The following PLA2G4B variants were observed in gnomAD, a reference collection of about 807,000 sequenced individuals.
PLA2G4B encodes the protein cytosolic phospholipase A2 beta.
Under a neutral mutation model 95.8 loss-of-function variants are expected in PLA2G4B, and 122 were observed. That is an observed-to-expected ratio of 1.27 (90% CI 1.10 to 1.48). The LOEUF (loss-of-function observed/expected upper bound fraction) is 1.48. Ranked by LOEUF, PLA2G4B falls within the 40% of genes most tolerant of loss-of-function variation. PLA2G4B has a pLI of 0.00. For synonymous variants in PLA2G4B, 518 were observed against 421.5 expected, an observed-to-expected ratio of 1.23 and a Z score of -2.80; for missense variants, 1,158 against 996.2, an observed-to-expected ratio of 1.16 and a Z score of -2.19.
chr15:41,841,609 A>AG, intron 7 of PLA2G4B, 38 bp downstream of exon 7: 1 of 1,613,470 alleles, frequency 6.2e-7, no homozygotes, highest in Non-Finnish European at 8.5e-7. Context: ...CCTGGCTCTC[A>AG]GCTCTTGTCT....
rs777747603 is a variant in PLA2G4B, at chr15:41,840,203, G to A, written c.55G>A (p.Ala19Thr). Reference protein sequence around the residue: ...TCLLTVRVLQAHRLPSKDLVT... With the variant: ...TCLLTVRVLQTHRLPSKDLVT... Reference sequence around the variant, plus strand: ...CCTGCTCACGGTTCGTGTCCTGCAGGCCCATCGCCTACCCTCTAAGGACCT... The same window carrying A: ...CCTGCTCACGGTTCGTGTCCTGCAGACCCATCGCCTACCCTCTAAGGACCT... Residue 19 changes from alanine to threonine, a missense_variant, in exon 2 of 20, where the codon GCC becomes ACC. Coordinates refer to ENST00000458483, the MANE Select transcript of PLA2G4B (RefSeq NM_001114633.2). 1.9e-6 allele frequency: 3 copies of A among 1,613,258 alleles called. No individual in the cohort carries two copies. In the South Asian group the frequency reaches 3.3e-5, roughly 18 times the overall value.
chr15:41,841,899 C>T lies in PLA2G4B; in HGVS notation c.571C>T (p.Arg191Cys), dbSNP rs3816533. The change falls in exon 8 of 20, where the codon CGC (arginine) becomes TGC (cysteine). Residue 191 changes from arginine (R) to cysteine (C), a missense_variant. Coordinates refer to ENST00000458483, the MANE Select transcript of PLA2G4B (RefSeq NM_001114633.2). ...GGCCTCTGTGGGCACTGGCACCTTCCGCTTCCACTGCCCAGCCTGCTGGGA... is the reference window on the plus strand; with the variant it reads ...GGCCTCTGTGGGCACTGGCACCTTCTGCTTCCACTGCCCAGCCTGCTGGGA... ...QEASVGTGTF[R>C]FHCPACWEQE... The T allele has an allele frequency of 0.16, 261,942 of 1,612,682 alleles. 28,950 individuals are homozygous for T. Among genetic ancestry groups the T allele is most frequent in the East Asian group, 0.69 (31,072 of 44,774 alleles).
In PLA2G4B at chr15:41,841,116, A is replaced by C. The variant is rs1321712250; in HGVS notation, c.392+21A>C. ...AGTCTGTGAGTCAGGGGCCTGGGGCAGTTTGGGTGGGAGTGCCTTGTGGGA... is the reference window on the plus strand; with the variant it reads ...AGTCTGTGAGTCAGGGGCCTGGGGCCGTTTGGGTGGGAGTGCCTTGTGGGA... On this transcript the variant is annotated intron_variant, in intron 5 of 19. Coordinates refer to ENST00000458483, the MANE Select transcript of PLA2G4B (RefSeq NM_001114633.2). 3 of 1,605,806 alleles carry C rather than the reference A, an allele frequency of 1.9e-6. No homozygotes were observed. The East Asian group carries it at 6.7e-5, about 36-fold the overall frequency.
rs1249215687 is a variant in PLA2G4B at position 41,844,932 on chromosome 15, C to T, written c.1101C>T (p.Thr367=). ...CTGAGTTGCTGAAGACCCAGGTGACCAAGAACAAGCTGGGTGTGCTGGCCC... is the reference window on the plus strand; with the variant it reads ...CTGAGTTGCTGAAGACCCAGGTGACTAAGAACAAGCTGGGTGTGCTGGCCC... ...GPTELLKTQV[T]KNKLGVLAPS... Residue 367 remains threonine, a synonymous_variant, in exon 13 of 20, where the codon ACC becomes ACT. Transcript: ENST00000458483. The T allele has an allele frequency of 1.9e-6, 3 of 1,612,370 alleles. No individual in the cohort carries two copies. Among genetic ancestry groups the T allele is most frequent in the Admixed American group, 3.3e-5 (2 of 59,828 alleles).
At position 41,842,267 on chromosome 15, in the gene PLA2G4B, C is replaced by T; in HGVS notation, c.696C>T (p.Pro232=). ...GTCAAGTGGTGAGGCTTGTCTTCCC[C>T]ACGTCCCAGGTACTGGCCTCCCAGG... ...PSGQVVRLVF[P]TSQEPLMRVE... Residue 232 remains proline, a synonymous_variant, in exon 9 of 20, where the codon CCC becomes CCT. Coordinates refer to ENST00000458483, the MANE Select transcript of PLA2G4B (RefSeq NM_001114633.2). The T allele has an allele frequency of 6.2e-7, 1 of 1,614,048 alleles. No homozygotes were observed. The highest frequency in any genetic ancestry group is 8.5e-7 in the Non-Finnish European group (1 of 1,180,026).
In PLA2G4B at chr15:41,840,909, A is replaced by G; in HGVS notation, c.351+4A>G. 1.2e-6 allele frequency: 2 copies of G among 1,611,854 alleles called. No individual in the cohort carries two copies. The highest frequency in any genetic ancestry group is 2.2e-5 in the South Asian group (2 of 90,976). On this transcript the variant is annotated splice_donor_region_variant and intron_variant, in intron 4 of 19. Transcript: ENST00000458483. ...GAGCTTCTCACTGAGCCCTCAGGCA[A>G]GGCGGTGTTTCCACGGCAGCCCTAG... is the stretch of plus-strand genomic sequence containing the variant.
Position 41,844,598 on chromosome 15 carries a change from G to A in PLA2G4B, c.1007G>A (p.Gly336Asp). 6.2e-7 allele frequency: 1 copy of A among 1,614,144 alleles called. No homozygotes were observed. Among genetic ancestry groups the A allele is most frequent in the Non-Finnish European group, 8.5e-7 (1 of 1,180,030 alleles). The change falls in exon 12 of 20, where the codon GGC (glycine) becomes GAC (aspartate). Residue 336 changes from glycine (G) to aspartate (D), a missense_variant. By Grantham distance (94) the Gly-to-Asp change is moderately conservative. Coordinates refer to ENST00000458483, the MANE Select transcript of PLA2G4B (RefSeq NM_001114633.2). ...GTCTCCTACATCACCGGGGCCTCGGGCTCCACCTGGTGAGCTGGGGGCAGG... is the reference window on the plus strand; with the variant it reads ...GTCTCCTACATCACCGGGGCCTCGGACTCCACCTGGTGAGCTGGGGGCAGG... The part of the protein sequence containing the change: ...DCVSYITGAS[G>D]STWALANLYE...
Position 41,843,895 on chromosome 15 carries a change from G to A in PLA2G4B, c.879+84G>A, listed in dbSNP as rs556390155. ...CTGAACACTGGAGCTGCTTGTCCCC[G>A]ATCTAGACCAGAGCTCGTAGCTGCC... On this transcript the variant is annotated intron_variant, in intron 11 of 19. Coordinates refer to ENST00000458483, the MANE Select transcript of PLA2G4B (RefSeq NM_001114633.2). The A allele has an allele frequency of 2.5e-4, 381 of 1,538,808 alleles. 2 individuals are homozygous for A. In the African/African-American group the frequency reaches 4.4e-3, roughly 18 times the overall value.
At position 41,848,135 on chromosome 15, in the gene PLA2G4B, T is replaced by C. The variant is rs1465599499; in HGVS notation, c.*275T>C. The C allele has an allele frequency of 1.1e-5, 6 of 568,732 alleles. No homozygotes were observed. 35.2% of individuals were successfully genotyped at this position (568,732 alleles called of 1,614,324 possible). On this transcript the variant is annotated 3_prime_UTR_variant, in exon 20 of 20. Coordinates refer to ENST00000458483, the MANE Select transcript of PLA2G4B (RefSeq NM_001114633.2). Reference sequence around the variant, plus strand: ...TTGGAGCACTTGATACATCACAGACTCATACAAATGTGAGGCGCTGAGACC... The same window carrying C: ...TTGGAGCACTTGATACATCACAGACCCATACAAATGTGAGGCGCTGAGACC...
chr15:41,847,621 C>T (rs1395405198), intron 19 of PLA2G4B, 28 bp from the exon 20 acceptor site: 3 of 1,613,448 alleles, frequency 1.9e-6, no homozygotes, highest in Non-Finnish European at 2.5e-6. Flanking sequence ...CAACGTGTTC[C>T]CCATGCCAGG....
intron 11 of PLA2G4B, 28 bp downstream of exon 11, chr15:41,843,839 C>A: frequency 6.2e-7 from 1 of 1,609,542 alleles, no homozygotes; most frequent in South Asian, 1.1e-5. Context: ...GATGGGGTGT[C>A]CCCGGGCTTG....
Position 41,842,232 on chromosome 15 carries a change from C to G in PLA2G4B, c.661C>G (p.Leu221Val). The change falls in exon 9 of 20, where the codon CTG (leucine) becomes GTG (valine). Residue 221 changes from leucine to valine, a missense_variant. Leu to Val is a conservative substitution (Grantham distance 32). Coordinates refer to ENST00000458483, the MANE Select transcript of PLA2G4B (RefSeq NM_001114633.2). ...GCAACTAAAGGCGCCACTGAGTGCC[C>G]TGCCCTCTGGTCAAGTGGTGAGGCT... ...EEQLKAPLSA[L>V]PSGQVVRLVF... is the part of the protein sequence containing the mutation. The G allele has an allele frequency of 1.9e-6, 3 of 1,614,110 alleles. No homozygotes were observed. Among genetic ancestry groups the G allele is most frequent in the Non-Finnish European group, 2.5e-6 (3 of 1,180,004 alleles).
intron 19 of PLA2G4B, 35 bp from the exon 20 acceptor site, chr15:41,847,614 C>T (rs372034093): frequency 1.4e-5 from 22 of 1,612,942 alleles, no homozygotes; most frequent in African/African-American, 8.0e-5. Flanking sequence ...TTCCCCACAA[C>T]GTGTTCCCCA....
In PLA2G4B at chr15:41,847,388, C is replaced by A. The variant is rs1380909696; in HGVS notation, c.1999C>A (p.Pro667Thr). 10 of 1,612,126 alleles carry A rather than the reference C, an allele frequency of 6.2e-6. No homozygotes were observed. The highest frequency in any genetic ancestry group is 8.5e-6 in the Non-Finnish European group (10 of 1,179,566). Residue 667 changes from proline to threonine, a missense_variant, in exon 19 of 20, where the codon CCC becomes ACC. Physicochemically the swap from Pro to Thr is conservative, Grantham distance 38. Transcript: ENST00000458483. Reference sequence around the variant, plus strand: ...CCAGGAGCAGGGGATCCCGTTCCCACCCATCTCGCCCAGCCCCGAAGAGCA... The same window carrying A: ...CCAGGAGCAGGGGATCCCGTTCCCAACCATCTCGCCCAGCCCCGAAGAGCA... ...FCQEQGIPFPPISPSPEEQLQ... is the reference protein window; with the variant it reads ...FCQEQGIPFPTISPSPEEQLQ...
rs2065545182 is a variant in PLA2G4B at position 41,846,335 on chromosome 15, AT to A, written c.1736del (p.Phe579SerfsTer26). 1 of 1,610,852 alleles carries A rather than the reference AT, an allele frequency of 6.2e-7. No individual in the cohort carries two copies. Among genetic ancestry groups the A allele is most frequent in the Non-Finnish European group, 8.5e-7 (1 of 1,177,164 alleles). Reference protein sequence around the residue: ...QATHNFLRGLHFHKDYFQHPH... With the variant: ...QATHNFLRGLXFHKDYFQHPH... ...ACACATAATTTCCTGCGTGGCCTCC[AT>A]TTCCACAAAGACTACTTTCAGCATC... On this transcript the variant is annotated frameshift_variant, in exon 17 of 20. Coordinates refer to ENST00000458483, the MANE Select transcript of PLA2G4B (RefSeq NM_001114633.2). LOFTEE classifies it high-confidence loss of function.
rs750248337 is a variant in PLA2G4B at position 41,844,941 on chromosome 15, G to A, written c.1110G>A (p.Lys370=). 2 of 1,612,016 alleles carry A rather than the reference G, an allele frequency of 1.2e-6. No homozygotes were observed. The highest frequency in any genetic ancestry group is 3.3e-5 in the Admixed American group (2 of 59,740). Residue 370 remains lysine (K), a synonymous_variant, in exon 13 of 20, where the codon AAG becomes AAA. Transcript: ENST00000458483. ...TGAAGACCCAGGTGACCAAGAACAA[G>A]CTGGGTGTGCTGGCCCCCAGCCAGC... The part of the protein sequence containing the change: ...ELLKTQVTKN[K]LGVLAPSQLQ...
intron 4 of PLA2G4B, 51 bp from the exon 5 acceptor site, chr15:41,841,004 T>C (rs2065420465): frequency 3.2e-6 from 5 of 1,571,564 alleles, no homozygotes; most frequent in Non-Finnish European, 4.3e-6. Flanking sequence ...CTCACTGACA[T>C]ATGTGCACTC....
chr15:41,845,026 AC>A lies in PLA2G4B; in HGVS notation c.1197del (p.Asn400ThrfsTer27). Reference protein sequence around the residue: ...RARLGYPSCFTNLWALINEAL... With the variant: ...RARLGYPSCFXNLWALINEAL... ...CCGCTTGGGCTACCCAAGCTGCTTC[AC>A]CAACCTGTGGGCCCTCATCAACGAG... On this transcript the variant is annotated frameshift_variant, in exon 13 of 20. Transcript: ENST00000458483. LOFTEE classifies it high-confidence loss of function. 2 of 1,603,196 alleles carry A rather than the reference AC, an allele frequency of 1.2e-6. No homozygotes were observed. Among genetic ancestry groups the A allele is most frequent in the Non-Finnish European group, 1.7e-6 (2 of 1,175,034 alleles).
At chr15:41,842,363 C>T (rs547142207) in intron 9 of PLA2G4B, 87 bp downstream of exon 9, 242 of 1,581,220 alleles carry the variant, frequency 1.5e-4, no homozygotes, top group African/African-American at 2.3e-4. Context: ...CCCGCTTCTC[C>T]GTGGGTCACA....
Sources: gnomAD v4.1 joint callset for allele counts on GRCh38, gnomAD v4.1.1 for gene constraint, MANE v1.5 for transcripts, NCBI Gene and HGNC (gene_info 2026-07-23, HGNC 2026-07-21) for gene names.